RTN2: variants seen among roughly 807,000 people sequenced by gnomAD.
RTN2 encodes reticulon 2, also known as reticulon-2.
In RTN2, 36 loss-of-function variants were observed where a neutral mutation model predicts 63.7. That is an observed-to-expected ratio of 0.56 (90% CI 0.43 to 0.75). The LOEUF is 0.75. Ranked by LOEUF, RTN2 falls within the 30% of genes least tolerant of loss-of-function variation. The probability of loss-of-function intolerance (pLI) is 0.00; values close to 1 mark genes in which losing one functional copy is unlikely to be tolerated. For missense variants in RTN2, 673 were observed against 705.1 expected (o/e 0.95, Z 0.52); for synonymous variants, 312 against 313.0 (o/e 1.00, Z 0.03).
In RTN2 at chr19:45,485,382, A is replaced by G. The variant is rs2122197675; in HGVS notation, c.*326T>C. The stretch of plus-strand genomic sequence containing the variant: ...AAGCCCCGGCGTTGGGGCTAGTAGC[A>G]TCCAGGAGACACCAACGCCTCACGG... On this transcript the variant is annotated 3_prime_UTR_variant, in exon 11 of 11. Transcript: ENST00000245923. The G allele has an allele frequency of 2.7e-6, 1 of 372,866 alleles. No individual in the cohort carries two copies. Among genetic ancestry groups the G allele is most frequent in the Non-Finnish European group, 5.0e-6 (1 of 199,664 alleles). 23.1% of individuals were successfully genotyped at this position (372,866 alleles called of 1,614,324 possible). A position where few individuals can be genotyped will look rare whatever the true frequency, so the allele number is the denominator to read the frequency against.
At position 45,495,023 on chromosome 19, in the gene RTN2, G is replaced by A; in HGVS notation, c.80-18C>T. ...GTTCCCTCCTGCAGTGGGTGAAGGA[G>A]AGCCTTGTTTCCCTCAGCAGGTCCC... is the stretch of plus-strand genomic sequence containing the variant. On this transcript the variant is annotated intron_variant, in intron 2 of 10. Transcript: ENST00000245923. 6.2e-7 allele frequency: 1 copy of A among 1,614,106 alleles called. No individual in the cohort carries two copies. The highest frequency in any genetic ancestry group is 1.3e-5 in the African/African-American group (1 of 75,054).
intron 5 of RTN2, among the ~76,000 whole-genome samples, chr19:45,492,077 T>A (rs989137663): frequency 6.6e-6 from 1 of 152,204 alleles, no homozygotes; most frequent in Non-Finnish European, 1.5e-5. Context: ...TTTGCCAATC[T>A]GTCAGGTGTA....
Position 45,488,625 on chromosome 19 carries a change from T to C in RTN2, c.1450+12A>G. On this transcript the variant is annotated intron_variant, in intron 8 of 10. Coordinates refer to ENST00000245923, the MANE Select transcript of RTN2 (RefSeq NM_005619.5). ...AAGTCCCCATTTGCCCCTTACGGCC[T>C]TCCCAGCTCACCCAGAATGAGAAGA... 6.2e-7 allele frequency: 1 copy of C among 1,613,860 alleles called. No homozygotes were observed. Among genetic ancestry groups the C allele is most frequent in the Middle Eastern group, 1.6e-4 (1 of 6,062 alleles).
At chr19:45,489,078 G>A (rs1370277602) in intron 6 of RTN2, 92 bp from the exon 7 acceptor site, 19 of 1,417,876 alleles carry the variant, frequency 1.3e-5, no homozygotes, top group Non-Finnish European at 1.7e-5. Context: ...AATGGCGGTT[G>A]GGAGAAGACC....
At position 45,485,443 on chromosome 19, in the gene RTN2, G is replaced by A. The variant is rs1050543796; in HGVS notation, c.*265C>T. ...GGCGGGTCCGGAAGTGCAGGGTGGTGCCCTGTCTAGGCAACTACAAGTCCC... is the reference window on the plus strand; with the variant it reads ...GGCGGGTCCGGAAGTGCAGGGTGGTACCCTGTCTAGGCAACTACAAGTCCC... On this transcript the variant is annotated 3_prime_UTR_variant, in exon 11 of 11. Transcript: ENST00000245923. 2.1e-5 allele frequency: 11 copies of A among 512,092 alleles called. No homozygotes were observed. Among genetic ancestry groups the A allele is most frequent in the Admixed American group, 3.3e-5 (1 of 30,502 alleles). 31.7% of individuals were successfully genotyped at this position (512,092 alleles called of 1,614,324 possible).
Position 45,494,853 on chromosome 19 carries a change from G to A in RTN2, c.232C>T (p.Arg78Cys), listed in dbSNP as rs2122228490. The change falls in exon 3 of 11, where the codon CGC becomes TGC. Residue 78 changes from arginine to cysteine, a missense_variant. Physicochemically the swap from Arg to Cys is radical, Grantham distance 180. Coordinates refer to ENST00000245923, the MANE Select transcript of RTN2 (RefSeq NM_005619.5). The surrounding 1 kb of genome is among the most constrained non-coding windows in gnomAD (Gnocchi z 5.3). ...AFDGVVGSGGRRDSTARRPRP... is the reference protein window; with the variant it reads ...AFDGVVGSGGCRDSTARRPRP... ...GGGCGGCGGGCAGTTGAATCCCTGC[G>A]GCCCCCGGAGCCCACTACACCATCA... is the stretch of plus-strand genomic sequence containing the variant. The A allele has an allele frequency of 3.1e-6, 5 of 1,605,136 alleles. No homozygotes were observed. The highest frequency in any genetic ancestry group is 2.5e-6 in the Non-Finnish European group (3 of 1,179,816).
Position 45,488,874 on chromosome 19 carries a change from C to T in RTN2, c.1354G>A (p.Val452Ile), listed in dbSNP as rs761476935. Reference protein sequence around the residue: ...AATQLRHFFLVEDLVDSLKLA... With the variant: ...AATQLRHFFLIEDLVDSLKLA... ...TTGAGGGAATCCACGAGGTCTTCTA[C>T]CAGGAAGAAGTGCCGCAGCTGCGTG... The change falls in exon 7 of 11, where the codon GTA becomes ATA. Residue 452 changes from valine to isoleucine, a missense_variant. Coordinates refer to ENST00000245923, the MANE Select transcript of RTN2 (RefSeq NM_005619.5). The T allele has an allele frequency of 1.2e-6, 2 of 1,603,904 alleles. No individual in the cohort carries two copies. The highest frequency in any genetic ancestry group is 1.3e-5 in the African/African-American group (1 of 74,864).
Position 45,489,239 on chromosome 19 carries a change from G to T in RTN2, c.1241+107C>A, listed in dbSNP as rs1968096960. ...AGGTTAGGGGATCGGGATGAAAAATGATCAAGATGAGTCGGGGTCCGGGTG... is the reference window on the plus strand; with the variant it reads ...AGGTTAGGGGATCGGGATGAAAAATTATCAAGATGAGTCGGGGTCCGGGTG... On this transcript the variant is annotated intron_variant, in intron 6 of 10. Transcript: ENST00000245923. The T allele has an allele frequency of 7.4e-6, 8 of 1,081,166 alleles. No individual in the cohort carries two copies. In the South Asian group the frequency reaches 1.0e-4, roughly 14 times the overall value. 67.0% of individuals were successfully genotyped at this position (1,081,166 alleles called of 1,614,324 possible).
In RTN2 at chr19:45,493,167, C is replaced by G; in HGVS notation, c.1026G>C (p.Gly342=). The G allele has an allele frequency of 6.2e-7, 1 of 1,611,976 alleles. No homozygotes were observed. Among genetic ancestry groups the G allele is most frequent in the Non-Finnish European group, 8.5e-7 (1 of 1,179,860 alleles). Residue 342 remains glycine (G), a synonymous_variant, in exon 5 of 11, where the codon GGG becomes GGC. Transcript: ENST00000245923. Reference sequence around the variant, plus strand: ...CCCGTTCCGCAAGCCCACCTTTACTCCCCATATCGGCTCCGAGTGAGAGGC... The same window carrying G: ...CCCGTTCCGCAAGCCCACCTTTACTGCCCATATCGGCTCCGAGTGAGAGGC... ...VPSLSLGADM[G]SKVADLLYWK... is the part of the protein sequence containing the mutation.
At chr19:45,489,256 G>A (rs754094734) in intron 6 of RTN2, 90 bp downstream of exon 6, 168 of 1,217,614 alleles carry the variant, frequency 1.4e-4, no homozygotes, top group Middle Eastern at 5.0e-4. Flanking sequence ...ATGAGTCGGG[G>A]TCCGGGTGGG....
chr19:45,492,312 G>A (rs1968177243), intron 5 of RTN2, among the ~76,000 whole-genome samples: 2 of 152,032 alleles, frequency 1.3e-5, no homozygotes, highest in South Asian at 4.1e-4. Flanking sequence ...ACAACACTTT[G>A]GGAGGCCGAG....
In RTN2 at chr19:45,485,756, C is replaced by T; in HGVS notation, c.1590G>A (p.Leu530=). Reference sequence around the variant, plus strand: ...CGGAGACTGCGGCTGCTGCAGAGGCCAGGGCTCCGGTCCCTGGGATTTTAG... The same window carrying T: ...CGGAGACTGCGGCTGCTGCAGAGGCTAGGGCTCCGGTCCCTGGGATTTTAG... ...IRAKIPGTGA[L]ASAAAAVSGS... is the part of the protein sequence containing the mutation. The change falls in exon 11 of 11, where the codon CTG becomes CTA. Residue 530 remains leucine (L), a synonymous_variant. Transcript: ENST00000245923. The T allele has an allele frequency of 6.2e-7, 1 of 1,613,966 alleles. No individual in the cohort carries two copies. Among genetic ancestry groups the T allele is most frequent in the African/African-American group, 1.3e-5 (1 of 74,966 alleles).
intron 8 of RTN2, 27 bp downstream of exon 8, chr19:45,488,610 T>A: frequency 6.2e-7 from 1 of 1,613,822 alleles, no homozygotes; most frequent in South Asian, 1.1e-5. Context: ...AAGTCCCCAT[T>A]TGCCCCTTAC....
At chr19:45,489,174 A>T (rs764277718) in intron 6 of RTN2, 172 bp downstream of exon 6, 1 of 868,282 alleles carries the variant, frequency 1.2e-6, no homozygotes, top group Non-Finnish European at 1.8e-6. Context: ...ATCGAGGATG[A>T]AGGGTACCAG....
intron 9 of RTN2, among the ~76,000 whole-genome samples, chr19:45,486,340 G>A (rs1968020547): frequency 6.6e-6 from 1 of 152,108 alleles, no homozygotes; most frequent in Non-Finnish European, 1.5e-5. Context: ...CAGGTGGAAC[G>A]CACAAGTATC....
Position 45,493,378 on chromosome 19 carries a change from C to T in RTN2, c.815G>A (p.Gly272Glu), listed in dbSNP as rs746220946. ...TGTCTTTAACCATTCCATAGCTGTT[C>T]CTGGAGGCGGAGCATATTTTAAAGT... ...LEFTVEPRLL[G>E]TAMEWLKTSL... Residue 272 changes from glycine (G) to glutamate (E), a missense_variant and splice_region_variant, in exon 5 of 11, where the codon GGA (glycine) becomes GAA (glutamate). Physicochemically the swap from Gly to Glu is moderately conservative, Grantham distance 98. Coordinates refer to ENST00000245923, the MANE Select transcript of RTN2 (RefSeq NM_005619.5). The T allele has an allele frequency of 1.3e-5, 21 of 1,604,096 alleles. No homozygotes were observed. Among genetic ancestry groups the T allele is most frequent in the Non-Finnish European group, 1.6e-5 (19 of 1,176,040 alleles).
Position 45,488,468 on chromosome 19 carries a change from C to T in RTN2, c.1497+3G>A, listed in dbSNP as rs1318814220. ...TGCTGACAACTGAGGGTGTCACACT[C>T]ACCTGGTGCTGCCGGTACAGCAGGG... On this transcript the variant is annotated splice_donor_region_variant and intron_variant, in intron 9 of 10. Transcript: ENST00000245923. The T allele has an allele frequency of 1.2e-5, 19 of 1,613,506 alleles. No individual in the cohort carries two copies. Among genetic ancestry groups the T allele is most frequent in the South Asian group, 2.2e-5 (2 of 90,932 alleles).
At chr19:45,487,283 A>C (rs1352964801) in intron 9 of RTN2, among the ~76,000 whole-genome samples, 1 of 151,792 alleles carries the variant, frequency 6.6e-6, no homozygotes, top group Non-Finnish European at 1.5e-5. Context: ...GGCCTCAAGC[A>C]ATTCTCCTGT....
chr19:45,487,265 G>A (rs1360239751), intron 9 of RTN2, among the ~76,000 whole-genome samples: 3 of 151,808 alleles, frequency 2.0e-5, no homozygotes, highest in African/African-American at 7.3e-5. Context: ...GGCTGGTCTT[G>A]AACTTCTGGC....
Sources: gnomAD v4.1 joint callset for allele counts (sites outside exome capture counted in the v4.1 genomes callset) on GRCh38, gnomAD v4.1.1 for gene constraint, Gnocchi (gnomAD v3.1) non-coding constraint, MANE v1.5 for transcripts, NCBI Gene and HGNC (gene_info 2026-07-23, HGNC 2026-07-21) for gene names.